PCDHGA2: variants seen among roughly 807,000 people sequenced by gnomAD.
The protein encoded by PCDHGA2 is protocadherin gamma subfamily A, 2.
Under a neutral mutation model 59.2 loss-of-function variants are expected in PCDHGA2, and 40 were observed. That is an observed-to-expected ratio of 0.68 (90% CI 0.52 to 0.88). The LOEUF (loss-of-function observed/expected upper bound fraction) is 0.88. Among genes scored for constraint, PCDHGA2 ranks in the 40% least tolerant of loss-of-function variants. PCDHGA2 has a pLI of 0.00. For missense variants in PCDHGA2, 1,226 were observed against 1,204.0 expected (o/e 1.02, Z -0.27); for synonymous variants, 560 against 526.0 (o/e 1.06, Z -0.89).
At chr5:141,418,392 T>C (rs753094664) in intron 1 of PCDHGA2, 1 of 1,613,996 alleles carries the variant, frequency 6.2e-7, no homozygotes, top group Non-Finnish European at 8.5e-7. Context: ...AACGAGTATT[T>C]CTCATTGGTG....
At chr5:141,398,362 G>T (rs1422597239) in intron 1 of PCDHGA2, 5 of 1,413,346 alleles carry the variant, frequency 3.5e-6, no homozygotes, top group Admixed American at 1.9e-5. Context: ...CACCGTGAGC[G>T]CAGAGAGCGG....
chr5:141,365,964 A>G, intron 1 of PCDHGA2: 1 of 1,614,252 alleles, frequency 6.2e-7, no homozygotes, highest in Non-Finnish European at 8.5e-7. Context: ...CTTAGCAGCA[A>G]CGTGTCGCTG....
intron 1 of PCDHGA2, among the ~76,000 whole-genome samples, chr5:141,362,987 G>T (rs191534740): frequency 1.3e-5 from 2 of 152,326 alleles, no homozygotes; most frequent in Admixed American, 6.5e-5. Context: ...TTTGCATAAT[G>T]GCATGGCTTG....
At chr5:141,478,442 C>G (rs1245219009) in intron 1 of PCDHGA2, 1 of 1,613,608 alleles carries the variant, frequency 6.2e-7, no homozygotes, top group Non-Finnish European at 8.5e-7. Flanking sequence ...GCTGAAGAAA[C>G]CTGGTGCAGC....
At chr5:141,472,980 C>CAAAAAAAAAAAA (rs60579131) in intron 1 of PCDHGA2, among the ~76,000 whole-genome samples, 2 of 86,098 alleles carry the variant, frequency 2.3e-5, no homozygotes, top group African/African-American at 3.9e-5. Context: ...GAGTGAAACT[C>CAAAAAAAAAAAA]AAAAAAAAAA....
At chr5:141,459,375 C>T (rs973503237) in intron 1 of PCDHGA2, among the ~76,000 whole-genome samples, 2 of 152,194 alleles carry the variant, frequency 1.3e-5, no homozygotes, top group African/African-American at 4.8e-5. Flanking sequence ...GTATCAGCAG[C>T]GTGTTCCATT....
At chr5:141,435,614 C>T (rs1274100711) in intron 1 of PCDHGA2, among the ~76,000 whole-genome samples, 1 of 152,056 alleles carries the variant, frequency 6.6e-6, no homozygotes, top group Non-Finnish European at 1.5e-5. Context: ...ACATTAAATT[C>T]CCCATAACTT....
chr5:141,416,016 G>C (rs190922355), intron 1 of PCDHGA2: 29 of 227,390 alleles, frequency 1.3e-4, no homozygotes, highest in Non-Finnish European at 2.2e-4. Context: ...GAATAGGTAA[G>C]TATCAGAAAG....
At position 141,476,591 on chromosome 5, in the gene PCDHGA2, G is replaced by C. The variant is rs200254399; in HGVS notation, c.2425-18216G>C. The C allele has an allele frequency of 6.2e-7, 1 of 1,614,230 alleles. No homozygotes were observed. Among genetic ancestry groups the C allele is most frequent in the East Asian group, 2.2e-5 (1 of 44,870 alleles). On this transcript the variant is annotated intron_variant, in intron 1 of 3. Coordinates refer to ENST00000394576, the MANE Select transcript of PCDHGA2 (RefSeq NM_018915.4). This position sits in a 1 kb window ranked among gnomAD's most constrained non-coding sequence, Gnocchi z 7.6. ...GGGGACGCGCTTTCCGCTCGAGAGCGCGCACGATCCCGATGTGGGAAGCAA... is the reference window on the plus strand; with the variant it reads ...GGGGACGCGCTTTCCGCTCGAGAGCCCGCACGATCCCGATGTGGGAAGCAA...
chr5:141,341,338 T>A lies in PCDHGA2; in HGVS notation c.2367T>A (p.Asp789Glu), dbSNP rs1365807250. ...GCCAGGAGAGCTGTGAGAAAAAGGA[T>A]TTTTTATCAGCGCCTCAATCTCTAC... ...LISQESCEKK[D>E]FLSAPQSLLE... The change falls in exon 1 of 4, where the codon GAT becomes GAA. Residue 789 changes from aspartate (D) to glutamate (E), a missense_variant. Asp to Glu is a conservative substitution (Grantham distance 45, BLOSUM62 2). Coordinates refer to ENST00000394576, the MANE Select transcript of PCDHGA2 (RefSeq NM_018915.4). 3.1e-6 allele frequency: 5 copies of A among 1,614,200 alleles called. No homozygotes were observed. In the East Asian group the frequency reaches 8.9e-5, roughly 29 times the overall value.
At position 141,476,689 on chromosome 5, in the gene PCDHGA2, C is replaced by A; in HGVS notation, c.2425-18118C>A. Reference sequence around the variant, plus strand: ...GCGTGCAGACGCGGGAGGACAGCACCAAGTACGCGGAGCTGGTGTTGGAGC... The same window carrying A: ...GCGTGCAGACGCGGGAGGACAGCACAAAGTACGCGGAGCTGGTGTTGGAGC... On this transcript the variant is annotated intron_variant, in intron 1 of 3. Transcript: ENST00000394576. The surrounding 1 kb of genome is among the most constrained non-coding windows in gnomAD (Gnocchi z 7.6). The A allele has an allele frequency of 1.9e-6, 3 of 1,614,226 alleles. No homozygotes were observed. Among genetic ancestry groups the A allele is most frequent in the Non-Finnish European group, 2.5e-6 (3 of 1,180,046 alleles).
chr5:141,376,032 G>T (rs751769680), intron 1 of PCDHGA2: 3 of 1,613,116 alleles, frequency 1.9e-6, no homozygotes, highest in East Asian at 4.5e-5. Context: ...CAGGACCACG[G>T]CCAGCCCCCT....
intron 1 of PCDHGA2, among the ~76,000 whole-genome samples, chr5:141,444,256 C>T (rs1445343718): frequency 2.1e-5 from 3 of 146,298 alleles, no homozygotes; most frequent in African/African-American, 5.1e-5. Context: ...ACTGCAACCT[C>T]CGCCTCCCAG....
intron 1 of PCDHGA2, among the ~76,000 whole-genome samples, chr5:141,474,102 AAAC>A (rs909174523): frequency 2.6e-4 from 40 of 152,286 alleles, no homozygotes; most frequent in African/African-American, 8.7e-4. Flanking sequence ...ACAACAACAA[AAAC>A]AACAACAACG....
At chr5:141,466,574 T>C (rs978880367) in intron 1 of PCDHGA2, among the ~76,000 whole-genome samples, 5 of 152,218 alleles carry the variant, frequency 3.3e-5, no homozygotes, top group Non-Finnish European at 5.9e-5. Flanking sequence ...CAACATTGTC[T>C]CATCCCTTCT....
At chr5:141,369,492 C>T (rs1183800613) in intron 1 of PCDHGA2, among the ~76,000 whole-genome samples, 1 of 151,590 alleles carries the variant, frequency 6.6e-6, no homozygotes, top group Non-Finnish European at 1.5e-5. Context: ...CATAGTGAAA[C>T]CCCACCTCTA....
chr5:141,403,713 A>C (rs2094445702), intron 1 of PCDHGA2: 3 of 1,613,946 alleles, frequency 1.9e-6, no homozygotes, highest in Non-Finnish European at 2.5e-6. Flanking sequence ...GTCCTTGAGA[A>C]CGTGCCCCCA....
rs375879976 is a variant in PCDHGA2 at position 141,376,437 on chromosome 5, A to G, written c.2424+35042A>G. 2.7e-4 allele frequency: 434 copies of G among 1,614,084 alleles called. No homozygotes were observed. The highest frequency in any genetic ancestry group is 3.3e-4 in the Non-Finnish European group (388 of 1,180,040). ...GACACGCTTATCAACCAGGAGAGCT[A>G]TGAGAAAAGCGAGCCTCTTCTGATA... On this transcript the variant is annotated intron_variant, in intron 1 of 3. Coordinates refer to ENST00000394576, the MANE Select transcript of PCDHGA2 (RefSeq NM_018915.4).
intron 1 of PCDHGA2, chr5:141,388,783 C>A: frequency 3.1e-6 from 5 of 1,613,818 alleles, no homozygotes; most frequent in South Asian, 1.1e-5. Context: ...GGGGAAATTA[C>A]TGTTTTAAAT....
Sources: allele counts gnomAD v4.1 joint callset (sites outside exome capture counted in the v4.1 genomes callset), GRCh38; gene constraint gnomAD v4.1.1; non-coding constraint Gnocchi (gnomAD v3.1); transcripts MANE v1.5; gene names NCBI Gene and HGNC (gene_info 2026-07-23, HGNC 2026-07-21).